The following TATDN1 variants were observed in gnomAD, a reference collection of about 807,000 sequenced individuals.
The protein encoded by TATDN1 is TatD DNase domain containing 1.
Under a neutral mutation model 46.4 loss-of-function variants are expected in TATDN1, and 40 were observed. The observed-to-expected ratio is 0.86, with a 90% CI of 0.67 to 1.12. The LOEUF (loss-of-function observed/expected upper bound fraction) is 1.12, where lower values mean the gene tolerates loss of function less well. Among genes scored for constraint, TATDN1 ranks in the 50% most tolerant of loss-of-function variants. The pLI is 0.00. For missense variants in TATDN1, 326 were observed against 348.4 expected (o/e 0.94, Z 0.51); for synonymous variants, 95 against 105.6 (o/e 0.90, Z 0.62).
chr8:124,510,148 G>T (rs75486920), intron 6 of TATDN1, among the ~76,000 whole-genome samples: 2 of 152,056 alleles, frequency 1.3e-5, no homozygotes, highest in Non-Finnish European at 2.9e-5. Context: ...GATTCTGCTG[G>T]GTTAGAATAA....
chr8:124,504,356 A>T lies in TATDN1; in HGVS notation c.517-9T>A. ...CCATCAAATGAATGCACCTGGGGAC[A>T]TACAGGTATAAGTTTATTATTATAA... On this transcript the variant is annotated splice_polypyrimidine_tract_variant and intron_variant, in intron 8 of 11. Transcript: ENST00000276692. 6.4e-7 allele frequency: 1 copy of T among 1,564,856 alleles called. No homozygotes were observed. The highest frequency in any genetic ancestry group is 2.3e-5 in the East Asian group (1 of 44,288).
At chr8:124,526,769 T>G (rs1312491977) in intron 1 of TATDN1, 1 of 152,246 alleles carries the variant, frequency 6.6e-6, no homozygotes, top group African/African-American at 2.4e-5. Flanking sequence ...AACTCTTAAG[T>G]TGAAGCCTCA....
In TATDN1 at chr8:124,516,028, T is replaced by TG; in HGVS notation, c.204_205insC (p.Met69HisfsTer15). On this transcript the variant is annotated frameshift_variant and splice_region_variant, in exon 5 of 12. Transcript: ENST00000276692. LOFTEE classifies it high-confidence loss of function. ...TGACATCCAACTGTACTGAAAAACATACCTAACAGAAAATAATGTCTTAGG... is the reference window on the plus strand; with the variant it reads ...TGACATCCAACTGTACTGAAAAACATGACCTAACAGAAAATAATGTCTTAGG... 6.3e-7 allele frequency: 1 copy of TG among 1,597,680 alleles called. No individual in the cohort carries two copies. The highest frequency in any genetic ancestry group is 1.8e-5 in the Admixed American group (1 of 56,308).
chr8:124,527,374 G>C (rs763339750), intron 1 of TATDN1, among the ~76,000 whole-genome samples: 15 of 152,168 alleles, frequency 9.9e-5, no homozygotes, highest in Non-Finnish European at 2.1e-4. Context: ...CACTTGTCAG[G>C]AAGGAATGCG....
chr8:124,500,355 G>T (rs1039357104), intron 9 of TATDN1, among the ~76,000 whole-genome samples: 2 of 152,150 alleles, frequency 1.3e-5, no homozygotes, highest in East Asian at 1.9e-4. Context: ...TAGGAGAAAA[G>T]AATCTTTTGT....
chr8:124,531,767 G>A (rs1820980108), intron 1 of TATDN1, among the ~76,000 whole-genome samples: 1 of 152,156 alleles, frequency 6.6e-6, no homozygotes, highest in Non-Finnish European at 1.5e-5. Context: ...TTATACTGAG[G>A]GTAGATATTG....
chr8:124,528,308 A>G (rs921950523), intron 1 of TATDN1, among the ~76,000 whole-genome samples: 19 of 152,008 alleles, frequency 1.2e-4, no homozygotes, highest in Non-Finnish European at 2.5e-4. Flanking sequence ...CAAGTAGCTG[A>G]GACTACAGGC....
Position 124,489,741 on chromosome 8 carries a change from AATG to A in TATDN1, c.792-1048_792-1046del, listed in dbSNP as rs1260906766. On this transcript the variant is annotated intron_variant, in intron 11 of 11. Coordinates refer to ENST00000276692, the MANE Select transcript of TATDN1 (RefSeq NM_032026.4). ...ATCTTTCAGTTTCTGTGCTTACAGTAATGATGATCCGTAGTGTCTCCATACTTA... is the reference window on the plus strand; with the variant it reads ...ATCTTTCAGTTTCTGTGCTTACAGTAATGATCCGTAGTGTCTCCATACTTA... The A allele has an allele frequency of 3.9e-5, 6 of 152,192 alleles. No individual in the cohort carries two copies. In the East Asian group the frequency reaches 1.2e-3, roughly 29 times the overall value. 9.4% of individuals were successfully genotyped at this position (152,192 alleles called of 1,614,324 possible).
chr8:124,495,592 CT>C, intron 9 of TATDN1, 50 bp from the exon 10 acceptor site: 4 of 1,397,448 alleles, frequency 2.9e-6, no homozygotes, highest in Non-Finnish European at 9.9e-7. Context: ...TAACGAATAC[CT>C]TTTTTCGTAT....
rs1024104957 is a variant in TATDN1 at position 124,515,733 on chromosome 8, C to A, written c.389+13G>T. 6.2e-7 allele frequency: 1 copy of A among 1,611,862 alleles called. No individual in the cohort carries two copies. Among genetic ancestry groups the A allele is most frequent in the Non-Finnish European group, 8.5e-7 (1 of 1,178,688 alleles). ...ATTTTACAATAATTTGTAAAGCCAA[C>A]AAATTTCCTTACTTGAGTTGAGTAT... On this transcript the variant is annotated intron_variant, in intron 6 of 11. Transcript: ENST00000276692.
chr8:124,537,043 A>T (rs1370213725), intron 1 of TATDN1, among the ~76,000 whole-genome samples: 4 of 152,168 alleles, frequency 2.6e-5, no homozygotes, highest in African/African-American at 9.7e-5. Context: ...ACAGAAAAAA[A>T]TTTATTTCAA....
intron 10 of TATDN1, 48 bp from the exon 11 acceptor site, chr8:124,494,007 A>C (rs545824756): frequency 3.9e-6 from 6 of 1,530,700 alleles, no homozygotes; most frequent in Non-Finnish European, 5.2e-6. Context: ...ATTTTTAAAA[A>C]TTTTTTATGA....
At chr8:124,519,521 T>C (rs1819845214) in intron 3 of TATDN1, among the ~76,000 whole-genome samples, 1 of 152,230 alleles carries the variant, frequency 6.6e-6, no homozygotes, top group African/African-American at 2.4e-5. Flanking sequence ...TATACTTATT[T>C]TTCATAAAAA....
rs77891434 is a variant in TATDN1, at chr8:124,537,826, G to A, written c.22+1199C>T. On this transcript the variant is annotated intron_variant, in intron 1 of 11. Coordinates refer to ENST00000276692, the MANE Select transcript of TATDN1 (RefSeq NM_032026.4). ...CAGCAATTTCAAAACCTTTTTCCTG[G>A]CACTTAACATATTCTCCCCTGCATT... Among the ~76,000 whole-genome samples, 773 of 151,732 alleles carry A rather than the reference G, an allele frequency of 5.1e-3. 5 individuals are homozygous for A. The highest frequency in any genetic ancestry group is 8.8e-3 in the Non-Finnish European group (597 of 67,952).
chr8:124,538,333 T>C (rs1469881327), intron 1 of TATDN1: 1 of 152,722 alleles, frequency 6.5e-6, no homozygotes, highest in East Asian at 1.9e-4. Context: ...AGGATTACCT[T>C]GCTAAAGCAG....
chr8:124,503,759 T>C (rs191695001), intron 9 of TATDN1: 26 of 480,140 alleles, frequency 5.4e-5, no homozygotes, highest in Non-Finnish European at 9.7e-5. Flanking sequence ...GTGTGTGAAG[T>C]TTAGTGTGGT....
At position 124,502,891 on chromosome 8, in the gene TATDN1, C is replaced by G. The variant is rs143556655; in HGVS notation, c.593+1380G>C. Among the ~76,000 whole-genome samples the G allele has an allele frequency of 3.3e-5, 5 of 152,268 alleles. No individual in the cohort carries two copies. In the East Asian group the frequency reaches 7.7e-4, roughly 24 times the overall value. ...TGGTGGCATGCACCAGTAATACCAG[C>G]TACTCAGGAGGCTGAGGTGGGAGGG... On this transcript the variant is annotated intron_variant, in intron 9 of 11. Coordinates refer to ENST00000276692, the MANE Select transcript of TATDN1 (RefSeq NM_032026.4).
At chr8:124,520,243 C>A (rs1819907042) in intron 3 of TATDN1, among the ~76,000 whole-genome samples, 5 of 151,926 alleles carry the variant, frequency 3.3e-5, no homozygotes, top group Admixed American at 2.0e-4. Context: ...TTGAGACCAT[C>A]CTGGCCAACA....
At chr8:124,528,354 T>C (rs1470304779) in intron 1 of TATDN1, among the ~76,000 whole-genome samples, 1 of 152,194 alleles carries the variant, frequency 6.6e-6, no homozygotes, top group African/African-American at 2.4e-5. Context: ...TTTGTATTTT[T>C]AGTAGAGACG....
Sources: gnomAD v4.1 joint callset for allele counts (sites outside exome capture counted in the v4.1 genomes callset) on GRCh38, gnomAD v4.1.1 for gene constraint, MANE v1.5 for transcripts, NCBI Gene and HGNC (gene_info 2026-07-23, HGNC 2026-07-21) for gene names.